TCF7L2: variants seen among roughly 807,000 people sequenced by gnomAD.
The protein encoded by TCF7L2 is transcription factor 7-like 2.
A neutral mutation model predicts 77.9 loss-of-function variants in TCF7L2; 23 were observed. The observed-to-expected ratio is 0.30, with a 90% CI of 0.21 to 0.42. TCF7L2 has a LOEUF of 0.42. TCF7L2 is among the 10% of genes least tolerant of loss of function. TCF7L2 has a pLI of 1.00. For synonymous variants in TCF7L2, 413 were observed against 340.2 expected (o/e 1.21, Z -2.36); for missense variants, 654 against 793.1 (o/e 0.82, Z 2.11).
chr10:113,137,388 T>G (rs1020751031), intron 5 of TCF7L2, among the ~76,000 whole-genome samples: 1 of 152,250 alleles, frequency 6.6e-6, no homozygotes, highest in African/African-American at 2.4e-5. Context: ...CTAAATACTT[T>G]ACGTGCAAGT....
intron 4 of TCF7L2, among the ~76,000 whole-genome samples, chr10:113,035,024 T>C (rs2050922829): frequency 6.6e-6 from 1 of 151,588 alleles, no homozygotes; most frequent in Admixed American, 6.6e-5. Flanking sequence ...TTCTTTTCTC[T>C]CTTTCTCTCT....
chr10:113,061,563 G>T (rs1431897588), intron 5 of TCF7L2, among the ~76,000 whole-genome samples: 1 of 152,146 alleles, frequency 6.6e-6, no homozygotes, highest in Admixed American at 6.5e-5. Flanking sequence ...AGTGAGAAAG[G>T]GTGCAGATCA....
chr10:112,968,082 G>A (rs1337942743), intron 4 of TCF7L2, among the ~76,000 whole-genome samples: 2 of 152,158 alleles, frequency 1.3e-5, no homozygotes, highest in Non-Finnish European at 2.9e-5. Context: ...ATATGTGAAC[G>A]TCCATGAAAC....
intron 3 of TCF7L2, 42 bp from the exon 4 acceptor site, chr10:112,964,514 T>C: frequency 6.3e-7 from 1 of 1,583,200 alleles, no homozygotes; most frequent in Non-Finnish European, 8.7e-7. Flanking sequence ...TCTTGTAGTT[T>C]GTGACATAAG....
chr10:112,993,388 C>T (rs1231586746), intron 4 of TCF7L2, among the ~76,000 whole-genome samples: 2 of 151,870 alleles, frequency 1.3e-5, no homozygotes, highest in Non-Finnish European at 2.9e-5. Flanking sequence ...CACCTGTAGT[C>T]CCACCTACTC....
intron 11 of TCF7L2, among the ~76,000 whole-genome samples, chr10:113,154,525 G>T (rs2071435649): frequency 1.3e-5 from 2 of 152,242 alleles, no homozygotes; most frequent in South Asian, 4.2e-4. Flanking sequence ...TTACACTGGG[G>T]TCTATGTGAA....
intron 4 of TCF7L2, among the ~76,000 whole-genome samples, chr10:113,030,850 G>C (rs2050088976): frequency 6.6e-6 from 1 of 152,162 alleles, no homozygotes. Flanking sequence ...CAGCCCTTTG[G>C]GTGGGACTCA....
intron 5 of TCF7L2, among the ~76,000 whole-genome samples, chr10:113,093,970 T>G (rs1278771881): frequency 6.6e-6 from 1 of 152,266 alleles, no homozygotes; most frequent in African/African-American, 2.4e-5. Flanking sequence ...CTATAAACTT[T>G]TCCTGATCAG....
Position 113,075,894 on chromosome 10 carries a change from G to A in TCF7L2, c.552+35768G>A, listed in dbSNP as rs2135349492. On this transcript the variant is annotated intron_variant, in intron 5 of 13. Coordinates refer to ENST00000627217, the MANE Select transcript of TCF7L2 (RefSeq NM_001146274.2). ...CCGGGGCCTGTAATCCTAGCACTCT[G>A]GGAGGCTGAGGCGAGTTGATCACCT... is the stretch of plus-strand genomic sequence containing the variant. Among the ~76,000 whole-genome samples, 3 of 152,172 alleles carry A rather than the reference G, an allele frequency of 2.0e-5. No individual in the cohort carries two copies. The Middle Eastern group carries it at 0.01, about 518-fold the overall frequency.
At chr10:112,955,102 C>A (rs78132812) in intron 3 of TCF7L2, among the ~76,000 whole-genome samples, 1,559 of 152,142 alleles carry the variant, frequency 0.01, 28 homozygotes, top group African/African-American at 0.035. Flanking sequence ...TCCCACCCCC[C>A]CACCTCACCC....
At chr10:113,054,036 G>A (rs1334176410) in intron 5 of TCF7L2, among the ~76,000 whole-genome samples, 1 of 152,210 alleles carries the variant, frequency 6.6e-6, no homozygotes, top group East Asian at 1.9e-4. Flanking sequence ...GACTAGGCTG[G>A]TGCCGGTCAG....
At chr10:113,025,971 C>G (rs1023635235) in intron 4 of TCF7L2, among the ~76,000 whole-genome samples, 1 of 151,766 alleles carries the variant, frequency 6.6e-6, no homozygotes, top group Non-Finnish European at 1.5e-5. Flanking sequence ...CTCTGCCTCC[C>G]GGGTTCAAGT....
At chr10:112,953,702 A>G (rs889799499) in intron 3 of TCF7L2, among the ~76,000 whole-genome samples, 2 of 152,220 alleles carry the variant, frequency 1.3e-5, no homozygotes, top group South Asian at 4.1e-4. Flanking sequence ...TGTAATTAGC[A>G]AACAGGGAAA....
At position 113,160,590 on chromosome 10, in the gene TCF7L2, T is replaced by A. The variant is rs1326624512; in HGVS notation, c.1319-29T>A. On this transcript the variant is annotated intron_variant, in intron 12 of 13. Coordinates refer to ENST00000627217, the MANE Select transcript of TCF7L2 (RefSeq NM_001146274.2). Reference sequence around the variant, plus strand: ...CTGAGCACGACCCACCATTGTGTTGTATTTTTTGTGTTTACCTTATGCTAA... The same window carrying A: ...CTGAGCACGACCCACCATTGTGTTGAATTTTTTGTGTTTACCTTATGCTAA... 5.1e-6 allele frequency: 8 copies of A among 1,569,640 alleles called. No individual in the cohort carries two copies. The Admixed American group carries it at 1.5e-4, about 30-fold the overall frequency.
At chr10:112,957,390 G>A (rs1470394239) in intron 3 of TCF7L2, among the ~76,000 whole-genome samples, 1 of 151,484 alleles carries the variant, frequency 6.6e-6, no homozygotes, top group Non-Finnish European at 1.5e-5. Context: ...AGTGAGATGA[G>A]GTGAAGAGAG....
At chr10:113,034,533 A>G (rs977818387) in intron 4 of TCF7L2, among the ~76,000 whole-genome samples, 2 of 152,222 alleles carry the variant, frequency 1.3e-5, no homozygotes, top group Non-Finnish European at 2.9e-5. Flanking sequence ...AACCAGAAGT[A>G]CAACTTTCTG....
chr10:113,105,150 G>T (rs2062130318), intron 5 of TCF7L2, among the ~76,000 whole-genome samples: 1 of 152,164 alleles, frequency 6.6e-6, no homozygotes, highest in African/African-American at 2.4e-5. Context: ...TCCAGCTTTT[G>T]GGACAGCTTG....
At chr10:113,129,220 A>G in intron 5 of TCF7L2, 3 of 734,646 alleles carry the variant, frequency 4.1e-6, no homozygotes, top group Non-Finnish European at 5.0e-6. Context: ...CCCCTCTCCC[A>G]TCGCAGCCCT....
intron 5 of TCF7L2, among the ~76,000 whole-genome samples, chr10:113,051,528 G>A (rs903064941): frequency 1.3e-5 from 2 of 152,202 alleles, no homozygotes; most frequent in Admixed American, 6.5e-5. Flanking sequence ...AACATGAACT[G>A]ATTCTTCTAT....
Sources: allele counts gnomAD v4.1 joint callset (sites outside exome capture counted in the v4.1 genomes callset), GRCh38; gene constraint gnomAD v4.1.1; transcripts MANE v1.5; gene names NCBI Gene and HGNC (gene_info 2026-07-23, HGNC 2026-07-21).